Variants in TRIM2 observed in about 807,000 individuals in gnomAD.
The protein encoded by TRIM2 is tripartite motif containing 2, also known as tripartite motif-containing protein 2.
A neutral mutation model predicts 75.2 loss-of-function variants in TRIM2; 20 were observed. The ratio of observed to expected loss-of-function variants is 0.27; its 90% confidence interval spans 0.19 to 0.39. TRIM2 has a LOEUF of 0.39. TRIM2 is among the 10% of genes least tolerant of loss of function. The probability of loss-of-function intolerance (pLI) is 1.00; values close to 1 mark genes in which losing one functional copy is unlikely to be tolerated. For missense variants in TRIM2, 660 were observed against 990.8 expected (o/e 0.67, Z 4.48); for synonymous variants, 373 against 388.3 (o/e 0.96, Z 0.46).
intron 1 of TRIM2, among the ~76,000 whole-genome samples, chr4:153,228,954 A>G (rs1162280931): frequency 6.6e-6 from 1 of 152,078 alleles, no homozygotes; most frequent in Non-Finnish European, 1.5e-5. Flanking sequence ...GCTAAAATCC[A>G]CTCAGAGACC....
At chr4:153,307,965 G>A (rs1389551641) in intron 6 of TRIM2, 1 of 757,404 alleles carries the variant, frequency 1.3e-6, no homozygotes, top group African/African-American at 1.7e-5. Context: ...GAAATACAGG[G>A]GCTTGTTCTG....
intron 1 of TRIM2, among the ~76,000 whole-genome samples, chr4:153,156,386 C>T (rs1010869485): frequency 1.3e-5 from 2 of 152,092 alleles, no homozygotes; most frequent in Non-Finnish European, 2.9e-5. Flanking sequence ...CTAATCTTAC[C>T]CTGGCTGTAA....
intron 1 of TRIM2, among the ~76,000 whole-genome samples, chr4:153,214,541 G>A (rs1019216828): frequency 3.9e-5 from 6 of 152,118 alleles, no homozygotes; most frequent in African/African-American, 9.7e-5. Flanking sequence ...TTTACCCTAC[G>A]GAAAATTTTT....
chr4:153,225,916 A>G (rs891691113), intron 1 of TRIM2, among the ~76,000 whole-genome samples: 22 of 152,180 alleles, frequency 1.4e-4, no homozygotes, highest in East Asian at 7.7e-4. Flanking sequence ...TGTCACCCAA[A>G]CTTCAGTGCA....
At chr4:153,211,582 G>C (rs535827666) in intron 1 of TRIM2, among the ~76,000 whole-genome samples, 1 of 149,912 alleles carries the variant, frequency 6.7e-6, no homozygotes, top group East Asian at 1.9e-4. Flanking sequence ...TCACCTCCCA[G>C]ACAGGTGATT....
At chr4:153,203,991 T>C (rs1168520872), upstream of TRIM2, among the ~76,000 whole-genome samples, 2 of 152,242 alleles carry the variant, frequency 1.3e-5, no homozygotes, top group Non-Finnish European at 1.5e-5. Context: ...AGATAGTATA[T>C]TCAATAAAAT....
chr4:153,308,831 T>C, intron 6 of TRIM2: 1 of 399,438 alleles, frequency 2.5e-6, no homozygotes, highest in South Asian at 2.0e-5. Context: ...AAATATATTA[T>C]TTTATGCCCC....
chr4:153,232,840 G>A (rs1744013395), intron 1 of TRIM2, among the ~76,000 whole-genome samples: 1 of 152,174 alleles, frequency 6.6e-6, no homozygotes, highest in Non-Finnish European at 1.5e-5. Context: ...TTCTGGCCCT[G>A]GGAGAGAAGC....
chr4:153,307,877 A>C, intron 6 of TRIM2: 1 of 746,016 alleles, frequency 1.3e-6, no homozygotes. Context: ...TGTCCACTTC[A>C]TTGTGGGAGA....
chr4:153,247,828 A>T (rs1749685510), intron 1 of TRIM2, among the ~76,000 whole-genome samples: 1 of 152,168 alleles, frequency 6.6e-6, no homozygotes, highest in Non-Finnish European at 1.5e-5. Context: ...TGCCCAAAAA[A>T]ACCCCACAAA....
At chr4:153,316,710 C>T (rs904977930) in intron 8 of TRIM2, among the ~76,000 whole-genome samples, 2 of 152,074 alleles carry the variant, frequency 1.3e-5, no homozygotes, top group Non-Finnish European at 2.9e-5. Flanking sequence ...TCAATGTCTT[C>T]ACCTAATTGC....
chr4:153,299,700 T>C (rs180934288), intron 6 of TRIM2, among the ~76,000 whole-genome samples: 201 of 152,344 alleles, frequency 1.3e-3, no homozygotes, highest in African/African-American at 4.3e-3. Context: ...TCACCTGCTC[T>C]GTCCTGACTC....
intron 1 of TRIM2, among the ~76,000 whole-genome samples, chr4:153,227,837 G>A (rs886945740): frequency 2.6e-5 from 4 of 152,140 alleles, no homozygotes; most frequent in African/African-American, 9.7e-5. Context: ...ATAATAGTTT[G>A]CCTTAGCAGC....
chr4:153,299,861 G>T (rs940212428), intron 6 of TRIM2, among the ~76,000 whole-genome samples: 2 of 152,084 alleles, frequency 1.3e-5, no homozygotes, highest in Non-Finnish European at 2.9e-5. Context: ...TAGCCAGTCG[G>T]AATTAGCTTA....
chr4:153,307,947 C>T (rs1370845726), intron 6 of TRIM2: 20 of 755,014 alleles, frequency 2.6e-5, no homozygotes, highest in Non-Finnish European at 3.7e-5. Context: ...GTCGTACAGC[C>T]GGTCAGCGAA....
rs1467469379 is a variant in TRIM2, at chr4:153,302,435, T to A, written c.1510+6399T>A. The stretch of plus-strand genomic sequence containing the variant: ...TCAGCTGACAGTTTGGGATGATAGA[T>A]GTATGAGCAACTAACAGCATGAGAT... On this transcript the variant is annotated intron_variant, in intron 6 of 11. Coordinates refer to ENST00000338700, the MANE Select transcript of TRIM2 (RefSeq NM_015271.5). Among the ~76,000 whole-genome samples, 3 of 152,296 alleles carry A rather than the reference T, an allele frequency of 2.0e-5. No homozygotes were observed. In the East Asian group the frequency reaches 5.8e-4, roughly 29 times the overall value.
chr4:153,265,908 T>C (rs1754909966), intron 1 of TRIM2, among the ~76,000 whole-genome samples: 2 of 152,216 alleles, frequency 1.3e-5, no homozygotes, highest in African/African-American at 4.8e-5. Context: ...ACCCTCAGCG[T>C]TGGTTTTGAT....
intron 2 of TRIM2, among the ~76,000 whole-genome samples, chr4:153,272,125 TG>T (rs768124086): frequency 3.1e-4 from 46 of 149,574 alleles, no homozygotes; most frequent in Non-Finnish European, 6.5e-4. Flanking sequence ...TCATGCATGT[TG>T]AGATGATTTC....
Position 153,295,923 on chromosome 4 carries a change from A to G in TRIM2, c.1397A>G (p.Lys466Arg). 6.2e-7 allele frequency: 1 copy of G among 1,607,754 alleles called. No homozygotes were observed. The part of the protein sequence containing the change: ...PTTEGVKRRV[K>R]SPGSGHVKQK... ...ACAGAAGGCGTGAAGAGGCGCGTTA[A>G]GTCCCCGGGGAGCGGCCACGTCAAG... Residue 466 changes from lysine (K) to arginine (R), a missense_variant, in exon 6 of 12, where the codon AAG (lysine) becomes AGG (arginine). By Grantham distance (26) the Lys-to-Arg change is conservative (BLOSUM62 2). Coordinates refer to ENST00000338700, the MANE Select transcript of TRIM2 (RefSeq NM_015271.5). This position sits in a 1 kb window ranked among gnomAD's most constrained non-coding sequence, Gnocchi z 7.2.
Sources: gnomAD v4.1 joint callset for allele counts (sites outside exome capture counted in the v4.1 genomes callset) on GRCh38, gnomAD v4.1.1 for gene constraint, Gnocchi (gnomAD v3.1) non-coding constraint, MANE v1.5 for transcripts, NCBI Gene and HGNC (gene_info 2026-07-23, HGNC 2026-07-21) for gene names.